Variants in SUGCT observed in about 807,000 individuals in gnomAD.
The protein encoded by SUGCT is succinyl-CoA:glutarate CoA-transferase.
In SUGCT, 41 loss-of-function variants were observed where a neutral mutation model predicts 55.0. The ratio of observed to expected loss-of-function variants is 0.74; its 90% CI spans 0.58 to 0.97. The LOEUF (loss-of-function observed/expected upper bound fraction) is 0.97, where lower values mean the gene tolerates loss of function less well. Ranked by LOEUF, SUGCT falls within the 50% of genes least tolerant of loss-of-function variation. SUGCT has a pLI of 0.00. For missense variants in SUGCT, 568 were observed against 547.8 expected (o/e 1.04, Z -0.37); for synonymous variants, 187 against 200.4 (o/e 0.93, Z 0.56).
At chr7:40,268,936 C>G (rs1791802135) in intron 7 of SUGCT, among the ~76,000 whole-genome samples, 1 of 152,120 alleles carries the variant, frequency 6.6e-6, no homozygotes, top group Admixed American at 6.5e-5. Flanking sequence ...TGTGCCCAGC[C>G]CATGCTTTCA....
intron 6 of SUGCT, among the ~76,000 whole-genome samples, chr7:40,227,043 CTTTTTTT>C (rs35073564): frequency 2.1e-5 from 2 of 96,226 alleles, no homozygotes; most frequent in African/African-American, 7.4e-5. Context: ...TTTAATAGAT[CTTTTTTT>C]TTTTTTTTTT....
At chr7:40,758,168 A>G (rs2128718723) in intron 13 of SUGCT, among the ~76,000 whole-genome samples, 1 of 152,140 alleles carries the variant, frequency 6.6e-6, no homozygotes, top group East Asian at 1.9e-4. Context: ...TCATGGTTGG[A>G]CAGGGAGTCA....
chr7:40,486,135 G>A (rs1791331149), intron 11 of SUGCT, among the ~76,000 whole-genome samples: 1 of 152,078 alleles, frequency 6.6e-6, no homozygotes. Context: ...GAAACCATCA[G>A]GTCCTGGGCT....
the SUGCT span, among the ~76,000 whole-genome samples, chr7:40,878,721 A>C: frequency 1.3e-5 from 2 of 151,892 alleles, no homozygotes; most frequent in Non-Finnish European, 2.9e-5. Context: ...AGGGCAGATC[A>C]ACACCCTCCA....
chr7:40,966,935 T>A, the SUGCT span: 1 of 152,192 alleles, frequency 6.6e-6, no homozygotes, highest in Admixed American at 6.5e-5. Flanking sequence ...CCCAGAGATG[T>A]GTATCTTAGC....
At chr7:40,624,808 C>T (rs1248631781) in intron 12 of SUGCT, among the ~76,000 whole-genome samples, 3 of 108,382 alleles carry the variant, frequency 2.8e-5, no homozygotes, top group African/African-American at 4.2e-5. Context: ...CACACACACA[C>T]ACACGCACAC....
chr7:40,454,138 C>T (rs1167253896), intron 10 of SUGCT, among the ~76,000 whole-genome samples: 2 of 152,046 alleles, frequency 1.3e-5, no homozygotes, highest in Non-Finnish European at 2.9e-5. Context: ...CTCCTTCCTA[C>T]TCAAAACAAG....
the SUGCT span, among the ~76,000 whole-genome samples, chr7:41,027,245 G>C: frequency 6.6e-6 from 1 of 151,996 alleles, no homozygotes; most frequent in Admixed American, 6.6e-5. Context: ...CTTCCAAGAC[G>C]TCTTGGGAAA....
intron 13 of SUGCT, among the ~76,000 whole-genome samples, chr7:40,822,486 TC>T (rs530152191): frequency 6.6e-6 from 1 of 152,228 alleles, no homozygotes; most frequent in South Asian, 2.1e-4. Context: ...AGTTAGCTCT[TC>T]TTGTTGAGTT....
chr7:40,256,935 G>A (rs528217980), intron 7 of SUGCT, among the ~76,000 whole-genome samples: 18 of 152,074 alleles, frequency 1.2e-4, no homozygotes, highest in African/African-American at 4.1e-4. Flanking sequence ...ACAGAGATGG[G>A]GTTTCACCAT....
chr7:40,769,440 A>G (rs1379318521), intron 13 of SUGCT, among the ~76,000 whole-genome samples: 2 of 152,204 alleles, frequency 1.3e-5, no homozygotes, highest in Non-Finnish European at 2.9e-5. Flanking sequence ...TGTTAACTTA[A>G]TTATCCAGGA....
At chr7:40,343,757 C>T (rs1028192643) in intron 9 of SUGCT, among the ~76,000 whole-genome samples, 17 of 151,902 alleles carry the variant, frequency 1.1e-4, no homozygotes, top group African/African-American at 2.2e-4. Context: ...CCCGGGTTCA[C>T]GCCATTCTCC....
At chr7:40,814,431 T>G (rs1231318869) in intron 13 of SUGCT, among the ~76,000 whole-genome samples, 1 of 152,080 alleles carries the variant, frequency 6.6e-6, no homozygotes. Context: ...CTGACTTGGT[T>G]AGTTTGAAAG....
chr7:40,632,415 T>A (rs942144649), intron 12 of SUGCT, among the ~76,000 whole-genome samples: 1 of 151,636 alleles, frequency 6.6e-6, no homozygotes, highest in Admixed American at 6.6e-5. Flanking sequence ...CCATGGGTGG[T>A]GGTATTCAGG....
chr7:40,880,785 G>T, the SUGCT span, among the ~76,000 whole-genome samples: 1 of 152,192 alleles, frequency 6.6e-6, no homozygotes, highest in Non-Finnish European at 1.5e-5. Flanking sequence ...ACAGGAAAAA[G>T]GAGTACAGCT....
intron 1 of SUGCT, among the ~76,000 whole-genome samples, chr7:40,160,782 A>T (rs1784105808): frequency 6.6e-6 from 1 of 152,192 alleles, no homozygotes; most frequent in Non-Finnish European, 1.5e-5. Context: ...TTAAATAAGT[A>T]CAAATTAAAA....
At chr7:40,821,874 T>A (rs566346985) in intron 13 of SUGCT, among the ~76,000 whole-genome samples, 7 of 152,346 alleles carry the variant, frequency 4.6e-5, no homozygotes, top group African/African-American at 1.2e-4. Flanking sequence ...CAATTTTAGA[T>A]CTTTCCTGCT....
chr7:40,731,780 CAAT>C, intron 12 of SUGCT, among the ~76,000 whole-genome samples: 1 of 152,162 alleles, frequency 6.6e-6, no homozygotes, highest in African/African-American at 2.4e-5. Flanking sequence ...AGGATGAAAA[CAAT>C]AATATTTCTT....
At chr7:40,193,998 A>G (rs1310083267) in intron 5 of SUGCT, among the ~76,000 whole-genome samples, 1 of 152,162 alleles carries the variant, frequency 6.6e-6, no homozygotes, top group South Asian at 2.1e-4. Flanking sequence ...AAGGTTTACA[A>G]TGCTGCATTG....
Sources: allele counts gnomAD v4.1 joint callset (sites outside exome capture counted in the v4.1 genomes callset), GRCh38; gene constraint gnomAD v4.1.1; transcripts MANE v1.5; gene names NCBI Gene and HGNC (gene_info 2026-07-23, HGNC 2026-07-21).